The following DIS3L2 variants were observed in gnomAD, a reference collection of about 807,000 sequenced individuals.
The protein encoded by DIS3L2 is DIS3-like exonuclease 2.
A neutral mutation model predicts 97.5 loss-of-function variants in DIS3L2; 34 were observed. That is an observed-to-expected ratio of 0.35 (90% confidence interval 0.27 to 0.46). The LOEUF (loss-of-function observed/expected upper bound fraction) is 0.46. Among genes scored for constraint, DIS3L2 ranks in the 20% least tolerant of loss-of-function variants. The pLI, the probability that DIS3L2 is intolerant of heterozygous loss-of-function variation, is 1.00. For missense variants in DIS3L2, 1,038 were observed against 1,146.0 expected, an observed-to-expected ratio of 0.91 and a Z score of 1.36; for synonymous variants, 435 against 445.2, an observed-to-expected ratio of 0.98 and a Z score of 0.29.
chr2:232,277,941 AT>A (rs1694184783), intron 13 of DIS3L2, among the ~76,000 whole-genome samples: 1 of 152,160 alleles, frequency 6.6e-6, no homozygotes, highest in Non-Finnish European at 1.5e-5. Context: ...CAATAAAAAT[AT>A]GGTATTCTAA....
chr2:232,047,509 G>GT (rs756870190), intron 5 of DIS3L2, among the ~76,000 whole-genome samples: 2 of 152,156 alleles, frequency 1.3e-5, no homozygotes, highest in Non-Finnish European at 2.9e-5. Flanking sequence ...ACTTTCTTTG[G>GT]TAAGAGGTGG....
At chr2:232,166,072 CAATA>C (rs111484613) in intron 9 of DIS3L2, among the ~76,000 whole-genome samples, 33,499 of 137,888 alleles carry the variant, frequency 0.24, 4,274 homozygotes, top group South Asian at 0.38. Context: ...CCTGTCTCTA[CAATA>C]AATAAATAAA....
At chr2:232,154,081 G>A (rs1169932295) in intron 8 of DIS3L2, among the ~76,000 whole-genome samples, 1 of 107,784 alleles carries the variant, frequency 9.3e-6, no homozygotes, top group Non-Finnish European at 1.9e-5. Context: ...TCTCTGTATT[G>A]GTTATTCTAG....
chr2:232,065,428 CT>C (rs2106280688), intron 5 of DIS3L2, among the ~76,000 whole-genome samples: 1 of 152,000 alleles, frequency 6.6e-6, no homozygotes, highest in African/African-American at 2.4e-5. Flanking sequence ...CATCTTTCTC[CT>C]GTGGATATCT....
At chr2:232,091,970 C>T (rs956263582) in intron 6 of DIS3L2, among the ~76,000 whole-genome samples, 3 of 152,134 alleles carry the variant, frequency 2.0e-5, no homozygotes, top group Non-Finnish European at 4.4e-5. Context: ...AGTCTTTGCC[C>T]AGTCCAATGT....
intron 1 of DIS3L2, among the ~76,000 whole-genome samples, chr2:232,001,557 C>CTTTTTTTTTTTTTTTTT (rs57766848): frequency 1.1e-3 from 70 of 61,924 alleles, no homozygotes; most frequent in African/African-American, 2.3e-3. Context: ...TGCCATTTGT[C>CTTTTTTTTTTTTTTTTT]TTTTTTTTTT....
chr2:232,263,400 G>T lies in DIS3L2; in HGVS notation c.1619G>T (p.Arg540Leu), dbSNP rs1008119802. The T allele has an allele frequency of 6.2e-7, 1 of 1,614,156 alleles. No homozygotes were observed. Among genetic ancestry groups the T allele is most frequent in the Non-Finnish European group, 8.5e-7 (1 of 1,180,026 alleles). The change falls in exon 13 of 21, where the codon CGC becomes CTC. Residue 540 changes from arginine (R) to leucine (L), a missense_variant. Physicochemically the swap from Arg to Leu is moderately radical, Grantham distance 102. Coordinates refer to ENST00000325385, the MANE Select transcript of DIS3L2 (RefSeq NM_152383.5). ...LNLHGIAKQL[R>L]QQRFVDGALR... ...CTCCACGGAATTGCCAAGCAGTTAC[G>T]CCAGCAGCGCTTTGTGGACGGCGCA...
At chr2:232,008,929 G>A (rs973829305) in intron 1 of DIS3L2, among the ~76,000 whole-genome samples, 1 of 152,158 alleles carries the variant, frequency 6.6e-6, no homozygotes, top group Admixed American at 6.5e-5. Flanking sequence ...TCTTCAGATT[G>A]TATAACGTTA....
intron 5 of DIS3L2, among the ~76,000 whole-genome samples, chr2:232,042,710 G>A (rs1695143034): frequency 6.6e-6 from 1 of 152,172 alleles, no homozygotes; most frequent in African/African-American, 2.4e-5. Flanking sequence ...TCTGAAATAA[G>A]GAGTGTATTG....
intron 5 of DIS3L2, among the ~76,000 whole-genome samples, chr2:232,033,679 G>C (rs539299268): frequency 1.3e-5 from 2 of 152,254 alleles, no homozygotes; most frequent in East Asian, 1.9e-4. Flanking sequence ...TAGCATAAAG[G>C]GGTGTTGAAT....
chr2:232,258,598 CAAAA>C (rs35525137), intron 12 of DIS3L2, among the ~76,000 whole-genome samples: 3 of 74,648 alleles, frequency 4.0e-5, no homozygotes, highest in Non-Finnish European at 5.5e-5. Flanking sequence ...GACTCTGTCT[CAAAA>C]AAAAAAAAAA....
intron 14 of DIS3L2, among the ~76,000 whole-genome samples, chr2:232,312,178 G>A (rs528434445): frequency 2.0e-5 from 3 of 152,266 alleles, no homozygotes; most frequent in East Asian, 1.9e-4. Flanking sequence ...ACGTACAGAA[G>A]TACTTAATTT....
chr2:232,092,084 T>G (rs1696858759), intron 6 of DIS3L2, among the ~76,000 whole-genome samples: 1 of 152,202 alleles, frequency 6.6e-6, no homozygotes, highest in Non-Finnish European at 1.5e-5. Context: ...TGAGAAGAGA[T>G]AGGAGTCTAG....
At chr2:232,315,761 A>C (rs561996102) in intron 14 of DIS3L2, among the ~76,000 whole-genome samples, 1 of 152,314 alleles carries the variant, frequency 6.6e-6, no homozygotes, top group South Asian at 2.1e-4. Context: ...AGAGTGACTC[A>C]GAGCAAGCGC....
chr2:232,185,282 C>T (rs1216458114), intron 9 of DIS3L2, among the ~76,000 whole-genome samples: 1 of 152,026 alleles, frequency 6.6e-6, no homozygotes, highest in African/African-American at 2.4e-5. Context: ...ACTAGAAATC[C>T]ATAACAGGAC....
rs1692151782 is a variant in DIS3L2, at chr2:232,210,338, C to T, written c.1137C>T (p.Ile379=). 1 of 1,613,336 alleles carries T rather than the reference C, an allele frequency of 6.2e-7. No homozygotes were observed. The highest frequency in any genetic ancestry group is 1.3e-5 in the African/African-American group (1 of 74,924). The part of the protein sequence containing the change: ...SKRRDLRKDC[I]FTIDPSTARD... The stretch of plus-strand genomic sequence containing the variant: ...CACTCTTTCCTAGAAAAGACTGTAT[C>T]TTCACCATTGACCCATCAACCGCCC... Residue 379 remains isoleucine, a synonymous_variant, in exon 10 of 21, where the codon ATC becomes ATT. Coordinates refer to ENST00000325385, the MANE Select transcript of DIS3L2 (RefSeq NM_152383.5).
In DIS3L2 at chr2:232,127,428, T is replaced by C. The variant is rs188172542; in HGVS notation, c.602-3191T>C. Among the ~76,000 whole-genome samples the C allele has an allele frequency of 3.3e-3, 504 of 152,358 alleles. 1 individual carries two copies. Among genetic ancestry groups the C allele is most frequent in the Non-Finnish European group, 3.5e-3 (235 of 68,036 alleles). On this transcript the variant is annotated intron_variant, in intron 6 of 20. Transcript: ENST00000325385. ...ATCCTTAAGCTCTCATATGTAATTA[T>C]CACCAAGACTATTCAACTCCAAAAT... is the stretch of plus-strand genomic sequence containing the variant.
intron 9 of DIS3L2, among the ~76,000 whole-genome samples, chr2:232,197,901 G>T (rs950595355): frequency 1.3e-5 from 2 of 151,760 alleles, no homozygotes; most frequent in African/African-American, 4.8e-5. Context: ...GGAGGCGGAG[G>T]TTGCAGTGAG....
chr2:232,306,107 C>T (rs948641286), intron 14 of DIS3L2, among the ~76,000 whole-genome samples: 1 of 152,230 alleles, frequency 6.6e-6, no homozygotes, highest in Non-Finnish European at 1.5e-5. Context: ...GATGTTAACT[C>T]CTTGGCTTAG....
Sources: allele counts gnomAD v4.1 joint callset (sites outside exome capture counted in the v4.1 genomes callset), GRCh38; gene constraint gnomAD v4.1.1; transcripts MANE v1.5; gene names NCBI Gene and HGNC (gene_info 2026-07-23, HGNC 2026-07-21).